Variants in PCSK6 observed in about 807,000 individuals in gnomAD.
The protein encoded by PCSK6 is paired basic amino acid cleaving enzyme 4.
Under a neutral mutation model 123.3 loss-of-function variants are expected in PCSK6, and 85 were observed. The observed-to-expected ratio is 0.69, with a 90% CI of 0.58 to 0.83. The LOEUF is 0.83. PCSK6 is among the 40% of genes least tolerant of loss of function. The pLI, the probability that PCSK6 is intolerant of heterozygous loss-of-function variation, is 0.00. For synonymous variants in PCSK6, 508 were observed against 516.0 expected, an observed-to-expected ratio of 0.98 and a Z score of 0.21; for missense variants, 1,191 against 1,282.3, an observed-to-expected ratio of 0.93 and a Z score of 1.09.
At chr15:101,463,635 G>C (rs1460906618) in intron 1 of PCSK6, among the ~76,000 whole-genome samples, 2 of 152,156 alleles carry the variant, frequency 1.3e-5, no homozygotes, top group Admixed American at 6.5e-5. Flanking sequence ...TCTATTCTGG[G>C]AGCACTGGGA....
chr15:101,471,284 C>A (rs1332652696), intron 1 of PCSK6, among the ~76,000 whole-genome samples: 1 of 152,148 alleles, frequency 6.6e-6, no homozygotes, highest in Non-Finnish European at 1.5e-5. Context: ...GGCTTCTAAT[C>A]CTCATCTCTA....
Position 101,427,925 on chromosome 15 carries a change from T to C in PCSK6, c.790A>G (p.Ile264Val), listed in dbSNP as rs2056314167. The change falls in exon 6 of 22, where the codon ATC (isoleucine) becomes GTC (valine). Residue 264 changes from isoleucine to valine, a missense_variant. Physicochemically the swap from Ile to Val is conservative, Grantham distance 29 (BLOSUM62 3). Coordinates refer to ENST00000611716, the MANE Select transcript of PCSK6 (RefSeq NM_002570.5). ...VAASANNSYC[I>V]VGIAYNAKIG... The stretch of plus-strand genomic sequence containing the variant: ...TTGGCATTGTACGCTATGCCCACGA[T>C]GCAGTAGGAATTGTTTGCTGAAGCA... 1 of 1,587,802 alleles carries C rather than the reference T, an allele frequency of 6.3e-7. No individual in the cohort carries two copies. Among genetic ancestry groups the C allele is most frequent in the African/African-American group, 1.3e-5 (1 of 74,600 alleles).
chr15:101,469,598 A>G (rs1236775367), intron 1 of PCSK6, among the ~76,000 whole-genome samples: 2 of 152,224 alleles, frequency 1.3e-5, no homozygotes, highest in Non-Finnish European at 2.9e-5. Context: ...CCCGAAGAAC[A>G]TGCCAGGCAG....
rs112006728 is a variant in PCSK6 at position 101,357,661 on chromosome 15, C to T, written c.1858+8535G>A. ...GCCAGCGGCCGTCCTGCCCACCTGGCGTGGCCTCACAGGCATGCTCTGGGG... is the reference window on the plus strand; with the variant it reads ...GCCAGCGGCCGTCCTGCCCACCTGGTGTGGCCTCACAGGCATGCTCTGGGG... On this transcript the variant is annotated intron_variant, in intron 13 of 21. Transcript: ENST00000611716. Among the ~76,000 whole-genome samples, 672 of 152,354 alleles carry T rather than the reference C, an allele frequency of 4.4e-3. 7 individuals are homozygous for T. The highest frequency in any genetic ancestry group is 0.015 in the African/African-American group (625 of 41,592).
At position 101,305,235 on chromosome 15, in the gene PCSK6, C is replaced by T; in HGVS notation, c.*23G>A. ...CGGATGGATGGATGGGAGTGCCTGC[C>T]CTCTGTGGGCAGCTAGGCACCCTTA... On this transcript the variant is annotated 3_prime_UTR_variant, in exon 22 of 22. Coordinates refer to ENST00000611716, the MANE Select transcript of PCSK6 (RefSeq NM_002570.5). The surrounding 1 kb of genome is among the most constrained non-coding windows in gnomAD (Gnocchi z 4.8). The T allele has an allele frequency of 6.3e-7, 1 of 1,584,048 alleles. No homozygotes were observed. The highest frequency in any genetic ancestry group is 8.6e-7 in the Non-Finnish European group (1 of 1,160,066).
rs147057033 is a variant in PCSK6, at chr15:101,428,858, C to T, written c.735-878G>A. On this transcript the variant is annotated intron_variant, in intron 5 of 21. Coordinates refer to ENST00000611716, the MANE Select transcript of PCSK6 (RefSeq NM_002570.5). ...GGGTCACAGAGCTCAATGGATGGCT[C>T]GGGATGGGATTGAATCCTGCCCTTC... Among the ~76,000 whole-genome samples the T allele has an allele frequency of 2.3e-3, 343 of 152,288 alleles. 1 individual carries two copies. The East Asian group carries it at 0.025, about 11-fold the overall frequency.
At chr15:101,322,962 A>G (rs2040163889) in intron 17 of PCSK6, among the ~76,000 whole-genome samples, 1 of 152,174 alleles carries the variant, frequency 6.6e-6, no homozygotes, top group African/African-American at 2.4e-5. Context: ...GGGGGTGGAG[A>G]GCCTGAGGCT....
intron 1 of PCSK6, among the ~76,000 whole-genome samples, chr15:101,482,594 A>G (rs1459435232): frequency 6.6e-6 from 1 of 152,324 alleles, no homozygotes; most frequent in East Asian, 1.9e-4. Context: ...ACTGGAGAAC[A>G]GGGTCTGGAC....
chr15:101,442,513 C>T (rs575320918), intron 2 of PCSK6, among the ~76,000 whole-genome samples: 8 of 152,106 alleles, frequency 5.3e-5, no homozygotes, highest in South Asian at 2.1e-4. Flanking sequence ...AGAGATAACG[C>T]GTCTCTCCAA....
At chr15:101,475,204 T>C (rs965587295) in intron 1 of PCSK6, among the ~76,000 whole-genome samples, 1 of 152,212 alleles carries the variant, frequency 6.6e-6, no homozygotes, top group African/African-American at 2.4e-5. Flanking sequence ...GGTGGGGACT[T>C]TGTCTTACTC....
chr15:101,326,837 T>C (rs992001048), intron 15 of PCSK6, among the ~76,000 whole-genome samples: 1 of 152,170 alleles, frequency 6.6e-6, no homozygotes, highest in African/African-American at 2.4e-5. Context: ...TTCACTCACT[T>C]GCACCAGTCA....
chr15:101,443,929 C>T (rs981638648), intron 1 of PCSK6, among the ~76,000 whole-genome samples: 2 of 152,202 alleles, frequency 1.3e-5, no homozygotes, highest in Admixed American at 6.5e-5. Context: ...AAATTAACAT[C>T]ATTTAAAGTT....
chr15:101,466,762 C>T (rs1407355751), intron 1 of PCSK6, among the ~76,000 whole-genome samples: 1 of 151,942 alleles, frequency 6.6e-6, no homozygotes, highest in African/African-American at 2.4e-5. Flanking sequence ...CCTATTATTA[C>T]TGTATGATTC....
Position 101,408,235 on chromosome 15 carries a change from C to T in PCSK6, c.824-9659G>A, listed in dbSNP as rs142671489. On this transcript the variant is annotated intron_variant, in intron 6 of 21. Coordinates refer to ENST00000611716, the MANE Select transcript of PCSK6 (RefSeq NM_002570.5). ...CCTGAACGGACCTCTGAAGGGGACA[C>T]GGACGGCGAAAAGGAGACGTTCATG... 7.3e-3 allele frequency among the ~76,000 whole-genome samples: 1,109 copies of T among 152,316 alleles called. 10 individuals carry two copies. Among genetic ancestry groups the T allele is most frequent in the African/African-American group, 0.025 (1,022 of 41,566 alleles).
Position 101,312,780 on chromosome 15 carries a change from C to T in PCSK6, c.2699+596G>A, listed in dbSNP as rs146254223. Reference sequence around the variant, plus strand: ...CTGGGAGGCGGAGCTTGCAATGAGCCGAGATCGCCCACTGCGCTCCAGCCT... The same window carrying T: ...CTGGGAGGCGGAGCTTGCAATGAGCTGAGATCGCCCACTGCGCTCCAGCCT... On this transcript the variant is annotated intron_variant, in intron 20 of 21. Coordinates refer to ENST00000611716, the MANE Select transcript of PCSK6 (RefSeq NM_002570.5). 2.8e-4 allele frequency among the ~76,000 whole-genome samples: 43 copies of T among 152,000 alleles called. 2 individuals are homozygous for T. The East Asian group carries it at 7.7e-3, about 27-fold the overall frequency.
rs926520582 is a variant in PCSK6 at position 101,387,869 on chromosome 15, C to T, written c.1310+1595G>A. On this transcript the variant is annotated intron_variant, in intron 9 of 21. Coordinates refer to ENST00000611716, the MANE Select transcript of PCSK6 (RefSeq NM_002570.5). Reference sequence around the variant, plus strand: ...CTGCTCAACACAGGTTTTCAAATTCCCAGACATCAACCGTTCCTTCCTTGA... The same window carrying T: ...CTGCTCAACACAGGTTTTCAAATTCTCAGACATCAACCGTTCCTTCCTTGA... Among the ~76,000 whole-genome samples, 7 of 147,870 alleles carry T rather than the reference C, an allele frequency of 4.7e-5. No homozygotes were observed. The Admixed American group carries it at 4.8e-4, about 10-fold the overall frequency.
intron 18 of PCSK6, among the ~76,000 whole-genome samples, 162 bp from the exon 19 acceptor site, chr15:101,318,584 T>G (rs28422893): frequency 0.02 from 2,993 of 152,364 alleles, 117 homozygotes; most frequent in African/African-American, 0.069. Context: ...CATCCCGCAG[T>G]CCGCTGGGGG....
intron 6 of PCSK6, among the ~76,000 whole-genome samples, chr15:101,422,890 G>A (rs2056130834): frequency 6.6e-6 from 1 of 152,312 alleles, no homozygotes; most frequent in South Asian, 2.1e-4. Flanking sequence ...CACAGTGCTG[G>A]GATTACAGGC....
intron 1 of PCSK6, among the ~76,000 whole-genome samples, chr15:101,489,144 C>A (rs2058094056): frequency 6.9e-6 from 1 of 145,312 alleles, no homozygotes; most frequent in South Asian, 2.1e-4. Flanking sequence ...CGTGGGCGCC[C>A]ACGCGGGACC....
Sources: gnomAD v4.1 joint callset for allele counts (sites outside exome capture counted in the v4.1 genomes callset) on GRCh38, gnomAD v4.1.1 for gene constraint, Gnocchi (gnomAD v3.1) non-coding constraint, MANE v1.5 for transcripts, NCBI Gene and HGNC (gene_info 2026-07-23, HGNC 2026-07-21) for gene names.